The following EPS15L1 variants were observed in gnomAD, a reference collection of about 807,000 sequenced individuals.
EPS15L1 encodes the protein epidermal growth factor receptor pathway substrate 15 like 1.
In EPS15L1, 43 loss-of-function variants were observed where a neutral mutation model predicts 117.1. That is an observed-to-expected ratio of 0.37 (90% confidence interval 0.29 to 0.47). The LOEUF is 0.47. Among genes scored for constraint, EPS15L1 ranks in the 20% least tolerant of loss-of-function variants. The probability of loss-of-function intolerance (pLI) is 0.99; values close to 1 mark genes in which losing one functional copy is unlikely to be tolerated. For missense variants in EPS15L1, 981 were observed against 1,164.0 expected, an observed-to-expected ratio of 0.84 and a Z score of 2.29; for synonymous variants, 459 against 470.5, an observed-to-expected ratio of 0.98 and a Z score of 0.32.
In EPS15L1 at chr19:16,370,227, T is replaced by C. The variant is rs998653367; in HGVS notation, c.2380+6895A>G. On this transcript the variant is annotated intron_variant, in intron 22 of 23. Transcript: ENST00000455140. This position sits in a 1 kb window ranked among gnomAD's most constrained non-coding sequence, Gnocchi z 5.2. ...CCCCATTGCCCGAGTGCATGTGATA[T>C]TTTGCAGTTAGCAGTGGCAGGCAAG... Among the ~76,000 whole-genome samples, 1 of 152,126 alleles carries C rather than the reference T, an allele frequency of 6.6e-6. No individual in the cohort carries two copies. Among genetic ancestry groups the C allele is most frequent in the Admixed American group, 6.5e-5 (1 of 15,286 alleles).
intron 9 of EPS15L1, among the ~76,000 whole-genome samples, chr19:16,422,003 G>A (rs937528128): frequency 3.9e-5 from 6 of 152,040 alleles, no homozygotes; most frequent in African/African-American, 1.5e-4. Flanking sequence ...ATACCCCCAA[G>A]GTGTGAGTAC....
At chr19:16,406,697 C>G (rs1190428772) in intron 13 of EPS15L1, among the ~76,000 whole-genome samples, 3 of 152,260 alleles carry the variant, frequency 2.0e-5, no homozygotes, top group Admixed American at 2.0e-4. Flanking sequence ...GAAGTTCCCT[C>G]CTTTACCTCC....
intron 1 of EPS15L1, among the ~76,000 whole-genome samples, chr19:16,451,168 CT>C (rs1304666789): frequency 6.6e-6 from 1 of 152,116 alleles, no homozygotes; most frequent in Non-Finnish European, 1.5e-5. Flanking sequence ...CCAGGCTGGT[CT>C]TGAACTCCTG....
At chr19:16,397,772 T>G (rs1447914966) in intron 16 of EPS15L1, among the ~76,000 whole-genome samples, 1 of 152,194 alleles carries the variant, frequency 6.6e-6, no homozygotes. Context: ...GAGCACATTT[T>G]TGTAATGGGA....
rs1480160562 is a variant in EPS15L1 at position 16,373,574 on chromosome 19, G to A, written c.2380+3548C>T. ...GAGATCTGCCTTGTGTCTTCCTGGCGAACTTTCTGAGCACGACTTCACCCG... is the reference window on the plus strand; with the variant it reads ...GAGATCTGCCTTGTGTCTTCCTGGCAAACTTTCTGAGCACGACTTCACCCG... On this transcript the variant is annotated intron_variant, in intron 22 of 23. Coordinates refer to ENST00000455140, the MANE Select transcript of EPS15L1 (RefSeq NM_001258374.3). Among the ~76,000 whole-genome samples the A allele has an allele frequency of 1.3e-4, 20 of 151,796 alleles. 2 individuals carry two copies. The South Asian group carries it at 2.1e-3, about 16-fold the overall frequency.
At chr19:16,470,559 T>G (rs1221112356) in intron 1 of EPS15L1, among the ~76,000 whole-genome samples, 1 of 133,202 alleles carries the variant, frequency 7.5e-6, no homozygotes, top group South Asian at 2.4e-4. Flanking sequence ...TATTAACACC[T>G]ATTATCGGTA....
chr19:16,376,723 G>C (rs563822413), intron 22 of EPS15L1, among the ~76,000 whole-genome samples: 1 of 152,390 alleles, frequency 6.6e-6, no homozygotes, highest in Non-Finnish European at 1.5e-5. Context: ...GGAGAAGGAC[G>C]GAAGAGAAGG....
intron 22 of EPS15L1, among the ~76,000 whole-genome samples, chr19:16,373,734 G>T (rs1376105027): frequency 6.6e-6 from 1 of 152,180 alleles, no homozygotes; most frequent in Admixed American, 6.5e-5. Context: ...GAGAGCAAGG[G>T]TAGGGCAAGC....
chr19:16,400,349 AC>A lies in EPS15L1; in HGVS notation c.1791+1971del, dbSNP rs1568418656. Among the ~76,000 whole-genome samples the A allele has an allele frequency of 4.0e-4, 61 of 151,220 alleles. 1 individual carries two copies. Among genetic ancestry groups the A allele is most frequent in the Admixed American group, 1.6e-3 (24 of 15,034 alleles). On this transcript the variant is annotated intron_variant, in intron 16 of 23. Transcript: ENST00000455140. ...GAGACTCCGTCTCAAAAAAAAAAAA[AC>A]AAAAACAAAAAAAAAAAAAAACCCC...
chr19:16,459,247 G>A (rs2093225860), intron 1 of EPS15L1, among the ~76,000 whole-genome samples: 1 of 152,164 alleles, frequency 6.6e-6, no homozygotes, highest in South Asian at 2.1e-4. Context: ...CCTGCTCTAA[G>A]ATGACCCTAG....
Position 16,404,265 on chromosome 19 carries a change from C to A in EPS15L1, c.1428+323G>T, listed in dbSNP as rs756894012. On this transcript the variant is annotated intron_variant, in intron 14 of 23. Transcript: ENST00000455140. This position sits in a 1 kb window ranked among gnomAD's most constrained non-coding sequence, Gnocchi z 4.2. The stretch of plus-strand genomic sequence containing the variant: ...TGCAGCCTCCGGGATCTGTGAGGAG[C>A]CTCAGAGACACCTGAGGAGGGGACA... Among the ~76,000 whole-genome samples the A allele has an allele frequency of 6.6e-6, 1 of 152,182 alleles. No individual in the cohort carries two copies.
Position 16,355,430 on chromosome 19 carries a change from T to C in EPS15L1, c.*275A>G. 2.4e-6 allele frequency: 1 copy of C among 422,974 alleles called. No homozygotes were observed. The highest frequency in any genetic ancestry group is 4.3e-6 in the Non-Finnish European group (1 of 234,338). The allele number at this position is 422,974 out of a possible 1,614,324, so 26.2% of individuals were successfully genotyped here. A position where few individuals can be genotyped will look rare whatever the true frequency, so the allele number is the denominator to read the frequency against. ...TCCTCGACTGACCGCTGTGTGTTCG[T>C]CCCCAGAGGAAGAGCGGGAGGCAGT... On this transcript the variant is annotated 3_prime_UTR_variant, in exon 24 of 24. Coordinates refer to ENST00000455140, the MANE Select transcript of EPS15L1 (RefSeq NM_001258374.3).
chr19:16,421,235 C>A (rs368949292), intron 10 of EPS15L1, 84 bp downstream of exon 10: 1 of 1,454,142 alleles, frequency 6.9e-7, no homozygotes, highest in Non-Finnish European at 9.3e-7. Flanking sequence ...TGGAGGGGGC[C>A]CCCTGACCAC....
chr19:16,427,610 G>A (rs560105120), intron 8 of EPS15L1, among the ~76,000 whole-genome samples: 5 of 152,046 alleles, frequency 3.3e-5, no homozygotes, highest in Non-Finnish European at 7.4e-5. Flanking sequence ...AAAGAAGGAA[G>A]GCTGGGTGTG....
chr19:16,359,645 G>C lies in EPS15L1; in HGVS notation c.2586+2134C>G, dbSNP rs962821140. ...GGAGCCTGAGGCAGAAGGATCATTT[G>C]AGCCCAGAGTTCAAAGACCAGACTG... On this transcript the variant is annotated intron_variant, in intron 23 of 23. Transcript: ENST00000455140. Among the ~76,000 whole-genome samples the C allele has an allele frequency of 8.5e-5, 13 of 152,318 alleles. No individual in the cohort carries two copies. In the East Asian group the frequency reaches 2.3e-3, roughly 27 times the overall value.
At chr19:16,412,016 T>C (rs983975538) in intron 13 of EPS15L1, among the ~76,000 whole-genome samples, 3 of 152,234 alleles carry the variant, frequency 2.0e-5, no homozygotes, top group African/African-American at 7.2e-5. Flanking sequence ...CTTTAAATCA[T>C]CTCTAGGTTA....
chr19:16,364,865 G>A (rs2092112179), intron 22 of EPS15L1, among the ~76,000 whole-genome samples: 1 of 152,206 alleles, frequency 6.6e-6, no homozygotes, highest in Admixed American at 6.5e-5. Context: ...CCGCCCACCA[G>A]CTCGGCTCCC....
At chr19:16,461,739 G>T (rs1217177332) in intron 1 of EPS15L1, among the ~76,000 whole-genome samples, 2 of 152,264 alleles carry the variant, frequency 1.3e-5, no homozygotes, top group African/African-American at 4.8e-5. Flanking sequence ...ACCCTCTGAT[G>T]AGCGGAGGTG....
At position 16,467,520 on chromosome 19, in the gene EPS15L1, A is replaced by C. The variant is rs1001447918; in HGVS notation, c.33+4393T>G. On this transcript the variant is annotated intron_variant, in intron 1 of 23. Coordinates refer to ENST00000455140, the MANE Select transcript of EPS15L1 (RefSeq NM_001258374.3). ...CCAGGGAGAATCTATTTAGTCGAAA[A>C]AACAACAACAACAACAAAAACAAAA... Among the ~76,000 whole-genome samples the C allele has an allele frequency of 1.1e-4, 17 of 150,038 alleles. 1 individual carries two copies. The highest frequency in any genetic ancestry group is 6.3e-4 in the South Asian group (3 of 4,748).
Sources: gnomAD v4.1 joint callset for allele counts (sites outside exome capture counted in the v4.1 genomes callset) on GRCh38, gnomAD v4.1.1 for gene constraint, Gnocchi (gnomAD v3.1) non-coding constraint, MANE v1.5 for transcripts, NCBI Gene and HGNC (gene_info 2026-07-23, HGNC 2026-07-21) for gene names.